The following GPR39 variants were observed in gnomAD, a reference collection of about 807,000 sequenced individuals.
GPR39 encodes the protein zinc sensing receptor.
GPR39 carries 23 observed loss-of-function variants against 18.4 expected under a neutral mutation model. The observed-to-expected ratio is 1.25, with a 90% CI of 0.90 to 1.77. The LOEUF is 1.77. Among genes scored for constraint, GPR39 ranks in the 40% most tolerant of loss-of-function variants. GPR39 has a pLI of 0.00. For missense variants in GPR39, 647 were observed against 602.4 expected, an observed-to-expected ratio of 1.07 and a Z score of -0.78; for synonymous variants, 280 against 257.9, an observed-to-expected ratio of 1.09 and a Z score of -0.82.
At chr2:132,454,408 A>G (rs930153102) in intron 1 of GPR39, among the ~76,000 whole-genome samples, 1 of 152,210 alleles carries the variant, frequency 6.6e-6, no homozygotes, top group Non-Finnish European at 1.5e-5. Context: ...TTCTAAATAT[A>G]CAATCAGGTA....
At position 132,417,159 on chromosome 2, in the gene GPR39, C is replaced by G. The variant is rs1293552718; in HGVS notation, c.117C>G (p.Ile39Met). The change falls in exon 1 of 2, where the codon ATC becomes ATG. Residue 39 changes from isoleucine (I) to methionine (M), a missense_variant. Coordinates refer to ENST00000329321, the MANE Select transcript of GPR39 (RefSeq NM_001508.3). ...TCACCCTTATTCTGGTGTACCTGAT[C>G]ATCTTCGTGATGGGCCTTCTGGGGA... ...IKITLILVYL[I>M]IFVMGLLGNS... The G allele has an allele frequency of 1.2e-6, 2 of 1,614,050 alleles. No homozygotes were observed. The highest frequency in any genetic ancestry group is 1.7e-6 in the Non-Finnish European group (2 of 1,180,028).
chr2:132,613,956 G>A (rs1361817255), intron 1 of GPR39, among the ~76,000 whole-genome samples: 1 of 152,220 alleles, frequency 6.6e-6, no homozygotes, highest in Non-Finnish European at 1.5e-5. Context: ...GAATGAATTG[G>A]TGGATGAGTG....
At chr2:132,436,881 C>G (rs936854792) in intron 1 of GPR39, among the ~76,000 whole-genome samples, 13 of 152,190 alleles carry the variant, frequency 8.5e-5, no homozygotes, top group Non-Finnish European at 1.9e-4. Flanking sequence ...ATCATATTAA[C>G]TAACGTTTTA....
At chr2:132,464,943 T>C (rs1680900716) in intron 1 of GPR39, among the ~76,000 whole-genome samples, 2 of 152,210 alleles carry the variant, frequency 1.3e-5, no homozygotes, top group African/African-American at 4.8e-5. Flanking sequence ...AGGGATTTTA[T>C]GCTAAGAAGG....
intron 1 of GPR39, among the ~76,000 whole-genome samples, chr2:132,502,124 T>G (rs113965611): frequency 2.0e-5 from 3 of 152,302 alleles, no homozygotes; most frequent in African/African-American, 7.2e-5. Flanking sequence ...TCGTGCTATT[T>G]GTTGCCTGAA....
In GPR39 at chr2:132,629,689, C is replaced by T. The variant is rs181109014; in HGVS notation, c.857-15412C>T. Among the ~76,000 whole-genome samples, 188 of 152,244 alleles carry T rather than the reference C, an allele frequency of 1.2e-3. 1 individual carries two copies. In the Middle Eastern group the frequency reaches 0.017, roughly 14 times the overall value. On this transcript the variant is annotated intron_variant, in intron 1 of 1. Coordinates refer to ENST00000329321, the MANE Select transcript of GPR39 (RefSeq NM_001508.3). ...TCTAAAAGCCCAAGTTTCTGTGATT[C>T]GAATGTGTTGCTCATAGTTTTCTAA...
intron 1 of GPR39, among the ~76,000 whole-genome samples, chr2:132,420,953 T>C (rs1367150730): frequency 2.0e-5 from 3 of 152,242 alleles, no homozygotes; most frequent in Admixed American, 2.0e-4. Flanking sequence ...AGGAGTGTCT[T>C]GTCTTGCCTC....
At chr2:132,461,168 A>G (rs1359929823) in intron 1 of GPR39, among the ~76,000 whole-genome samples, 4 of 152,198 alleles carry the variant, frequency 2.6e-5, no homozygotes, top group Non-Finnish European at 4.4e-5. Context: ...TCTGCAGATA[A>G]GGAAAATGGG....
At chr2:132,598,464 T>TG (rs1209889676) in intron 1 of GPR39, among the ~76,000 whole-genome samples, 1 of 102,196 alleles carries the variant, frequency 9.8e-6, no homozygotes, top group African/African-American at 3.6e-5. Context: ...AGCAATGGGG[T>TG]TTTTTGTTGT....
At chr2:132,448,310 T>A (rs1311132541) in intron 1 of GPR39, among the ~76,000 whole-genome samples, 1 of 151,944 alleles carries the variant, frequency 6.6e-6, no homozygotes, top group Non-Finnish European at 1.5e-5. Flanking sequence ...GTGTGGATAG[T>A]TTTGGTTCTC....
intron 1 of GPR39, among the ~76,000 whole-genome samples, chr2:132,617,359 T>C (rs1405154161): frequency 3.3e-5 from 5 of 152,152 alleles, no homozygotes; most frequent in Non-Finnish European, 7.3e-5. Context: ...GGCTTTCTTT[T>C]TAAATTATGA....
chr2:132,549,192 T>C (rs1295986655), intron 1 of GPR39, among the ~76,000 whole-genome samples: 4 of 152,120 alleles, frequency 2.6e-5, no homozygotes, highest in Non-Finnish European at 5.9e-5. Flanking sequence ...AATGAGCACA[T>C]AGAGGTCTGT....
chr2:132,636,596 G>A (rs565010180), intron 1 of GPR39, among the ~76,000 whole-genome samples: 2 of 152,218 alleles, frequency 1.3e-5, no homozygotes, highest in South Asian at 2.1e-4. Flanking sequence ...GAAGCCCCAC[G>A]TTTGGACTCA....
chr2:132,534,757 C>T (rs908399255), intron 1 of GPR39, among the ~76,000 whole-genome samples: 1 of 151,898 alleles, frequency 6.6e-6, no homozygotes, highest in Non-Finnish European at 1.5e-5. Flanking sequence ...CTAAACACCA[C>T]ATTTTCTCAC....
rs144581239 is a variant in GPR39, at chr2:132,419,194, G to A, written c.856+1296G>A. Among the ~76,000 whole-genome samples, 497 of 152,350 alleles carry A rather than the reference G, an allele frequency of 3.3e-3. 3 individuals are homozygous for A. The highest frequency in any genetic ancestry group is 0.011 in the African/African-American group (470 of 41,576). On this transcript the variant is annotated intron_variant, in intron 1 of 1. Coordinates refer to ENST00000329321, the MANE Select transcript of GPR39 (RefSeq NM_001508.3). Reference sequence around the variant, plus strand: ...AGGGAGCTGGGCTTTGAGAGCTGTGGCAGGTGACCAGCTGACTTGACTTTA... The same window carrying A: ...AGGGAGCTGGGCTTTGAGAGCTGTGACAGGTGACCAGCTGACTTGACTTTA...
At chr2:132,512,168 C>T (rs572493739) in intron 1 of GPR39, among the ~76,000 whole-genome samples, 1 of 152,252 alleles carries the variant, frequency 6.6e-6, no homozygotes, top group East Asian at 1.9e-4. Context: ...TCATTCTTGC[C>T]TCTATGCTGG....
chr2:132,523,317 G>A (rs11898952), intron 1 of GPR39, among the ~76,000 whole-genome samples: 2,733 of 152,192 alleles, frequency 0.018, 83 homozygotes, highest in African/African-American at 0.062. Context: ...AATATAAGTG[G>A]GACTATCTCA....
At position 132,646,087 on chromosome 2, in the gene GPR39, G is replaced by C. The variant is rs372264250; in HGVS notation, c.*481G>C. ...AGAGGGCTAATTTGAGGAACAGGAT[G>C]GTGGTGCGGAGCCCTGGCCTGAGGG... On this transcript the variant is annotated 3_prime_UTR_variant, in exon 2 of 2. Transcript: ENST00000329321. The C allele has an allele frequency of 3.7e-6, 6 of 1,603,762 alleles. No individual in the cohort carries two copies. Among genetic ancestry groups the C allele is most frequent in the Middle Eastern group, 1.7e-4 (1 of 6,014 alleles).
chr2:132,509,261 C>G (rs1202701831), intron 1 of GPR39, among the ~76,000 whole-genome samples: 2 of 152,162 alleles, frequency 1.3e-5, no homozygotes, highest in Non-Finnish European at 2.9e-5. Context: ...GGGAAACAAA[C>G]ACATTTCTGA....
Sources: allele counts gnomAD v4.1 joint callset (sites outside exome capture counted in the v4.1 genomes callset), GRCh38; gene constraint gnomAD v4.1.1; transcripts MANE v1.5; gene names NCBI Gene and HGNC (gene_info 2026-07-23, HGNC 2026-07-21).